GPR15LG: variants seen among roughly 807,000 people sequenced by gnomAD.
The protein encoded by GPR15LG is protein GPR15LG.
chr10:84,175,084 T>C, the GPR15LG span, among the ~76,000 whole-genome samples: 1 of 152,240 alleles, frequency 6.6e-6, no homozygotes, highest in African/African-American at 2.4e-5. Context: ...TATATATTGT[T>C]ATAATCACCC....
chr10:84,182,711 A>G, the GPR15LG span, among the ~76,000 whole-genome samples: 1 of 152,248 alleles, frequency 6.6e-6, no homozygotes, highest in Non-Finnish European at 1.5e-5. Context: ...TTGCAAGTCC[A>G]GTCCAGATTT....
the GPR15LG span, among the ~76,000 whole-genome samples, chr10:84,184,265 G>A: frequency 6.6e-6 from 1 of 152,206 alleles, no homozygotes; most frequent in Non-Finnish European, 1.5e-5. Context: ...AGATGCAAAT[G>A]TAGTTTTGGG....
At chr10:84,178,744 T>A in the GPR15LG span, among the ~76,000 whole-genome samples, 1 of 152,276 alleles carries the variant, frequency 6.6e-6, no homozygotes, top group African/African-American at 2.4e-5. Context: ...TTGTTACTTC[T>A]GGAGAATAAA....
the GPR15LG span, chr10:84,184,606 C>T: frequency 7.0e-7 from 1 of 1,419,482 alleles, no homozygotes; most frequent in Admixed American, 1.8e-5. Flanking sequence ...GTTTTCCTCT[C>T]TCTCCCCACA....
At chr10:84,184,928 C>T in the GPR15LG span, 382 of 1,472,732 alleles carry the variant, frequency 2.6e-4, no homozygotes, top group Middle Eastern at 4.9e-4. Flanking sequence ...CAGAACTCCA[C>T]GTCCTTGTCT....
chr10:84,174,361 T>A, the GPR15LG span, among the ~76,000 whole-genome samples: 1 of 152,154 alleles, frequency 6.6e-6, no homozygotes, highest in East Asian at 1.9e-4. Context: ...GCCCAGAAAA[T>A]ATCCATGAGC....
chr10:84,174,775 C>G, the GPR15LG span, among the ~76,000 whole-genome samples: 6 of 152,172 alleles, frequency 3.9e-5, no homozygotes, highest in African/African-American at 1.4e-4. Context: ...CAGGCGTGAG[C>G]CACCATGCCT....
the GPR15LG span, chr10:84,184,574 T>C: frequency 1.7e-6 from 2 of 1,181,332 alleles, no homozygotes; most frequent in Non-Finnish European, 2.5e-6. Context: ...TTTAAATGTG[T>C]TTGAAAATGC....
the GPR15LG span, among the ~76,000 whole-genome samples, chr10:84,175,100 G>C: frequency 5.3e-5 from 8 of 152,068 alleles, no homozygotes; most frequent in East Asian, 1.2e-3. Flanking sequence ...CACCCAAAAT[G>C]CTTATGATTG....
chr10:84,177,439 C>T, the GPR15LG span, among the ~76,000 whole-genome samples: 2 of 152,226 alleles, frequency 1.3e-5, no homozygotes, highest in Admixed American at 6.5e-5. Context: ...TCTGCAGCCC[C>T]AGTGCCCACT....
chr10:84,180,407 CGG>C, the GPR15LG span, among the ~76,000 whole-genome samples: 513 of 152,198 alleles, frequency 3.4e-3, 3 homozygotes, highest in African/African-American at 0.012. Flanking sequence ...ACCTCCCAGA[CGG>C]GGTGGCGGCC....
At chr10:84,181,752 A>G in the GPR15LG span, among the ~76,000 whole-genome samples, 2 of 152,216 alleles carry the variant, frequency 1.3e-5, no homozygotes, top group Non-Finnish European at 2.9e-5. Flanking sequence ...GGAAGTTTCA[A>G]TGTGCTGACT....
At chr10:84,181,490 A>G in the GPR15LG span, among the ~76,000 whole-genome samples, 3 of 152,216 alleles carry the variant, frequency 2.0e-5, no homozygotes, top group African/African-American at 7.2e-5. Context: ...CAGTGGCACA[A>G]TCATAGCTCA....
At chr10:84,180,302 T>C in the GPR15LG span, among the ~76,000 whole-genome samples, 1 of 152,242 alleles carries the variant, frequency 6.6e-6, no homozygotes, top group African/African-American at 2.4e-5. Flanking sequence ...ACAATAACAA[T>C]CTGATCTCTC....
chr10:84,177,622 AC>A, the GPR15LG span, among the ~76,000 whole-genome samples: 16 of 152,280 alleles, frequency 1.1e-4, no homozygotes, highest in African/African-American at 3.9e-4. Flanking sequence ...CCAGCCGCAG[AC>A]CTTCTCCCGG....
chr10:84,176,904 T>TG, the GPR15LG span, among the ~76,000 whole-genome samples: 1 of 150,484 alleles, frequency 6.6e-6, no homozygotes, highest in East Asian at 2.0e-4. Context: ...ACTGTGGAGG[T>TG]GGGGGATGCA....
chr10:84,176,386 A>T, the GPR15LG span: 1 of 890,146 alleles, frequency 1.1e-6, no homozygotes, highest in East Asian at 2.4e-5. Flanking sequence ...GTTTCTCTGG[A>T]TAAATATTCC....
the GPR15LG span, among the ~76,000 whole-genome samples, chr10:84,179,037 G>A: frequency 6.6e-6 from 1 of 152,290 alleles, no homozygotes; most frequent in East Asian, 1.9e-4. Context: ...TTCCCCTGTG[G>A]ACAGAAAGTG....
At chr10:84,179,241 C>T in the GPR15LG span, among the ~76,000 whole-genome samples, 1 of 152,196 alleles carries the variant, frequency 6.6e-6, no homozygotes, top group Non-Finnish European at 1.5e-5. Flanking sequence ...CTCACTGGAC[C>T]ATGATGAGCC....
Sources: gnomAD v4.1 joint callset for allele counts (sites outside exome capture counted in the v4.1 genomes callset) on GRCh38, gnomAD v4.1.1 for gene constraint, MANE v1.5 for transcripts, NCBI Gene and HGNC (gene_info 2026-07-23, HGNC 2026-07-21) for gene names.